XPO7: variants seen among roughly 807,000 people sequenced by gnomAD.
XPO7 encodes exportin-7.
Under a neutral mutation model 144.3 loss-of-function variants are expected in XPO7, and 21 were observed. The observed-to-expected ratio is 0.15, with a 90% CI of 0.10 to 0.21. The LOEUF is 0.21. Ranked by LOEUF, XPO7 falls within the 10% of genes least tolerant of loss-of-function variation. XPO7 has a pLI of 1.00. For synonymous variants in XPO7, 580 were observed against 499.6 expected, an observed-to-expected ratio of 1.16 and a Z score of -2.15; for missense variants, 808 against 1,325.8, an observed-to-expected ratio of 0.61 and a Z score of 6.06.
At chr8:21,978,510 T>C (rs373475634) in intron 8 of XPO7, among the ~76,000 whole-genome samples, 7 of 152,236 alleles carry the variant, frequency 4.6e-5, no homozygotes, top group Non-Finnish European at 7.3e-5. Flanking sequence ...TCCAAATTAA[T>C]GTAGACCTTT....
At chr8:21,979,893 A>T (rs553628618) in intron 8 of XPO7, among the ~76,000 whole-genome samples, 191 bp from the exon 9 acceptor site, 1 of 152,088 alleles carries the variant, frequency 6.6e-6, no homozygotes, top group South Asian at 2.1e-4. Context: ...ATTTGTACCT[A>T]AGGGAATTTC....
intron 1 of XPO7, among the ~76,000 whole-genome samples, chr8:21,955,362 C>T (rs1251925975): frequency 6.6e-6 from 1 of 152,168 alleles, no homozygotes; most frequent in Non-Finnish European, 1.5e-5. Context: ...AATGATGGTG[C>T]ACCTTTGTAG....
At chr8:21,985,412 C>T (rs988842675) in intron 12 of XPO7, among the ~76,000 whole-genome samples, 174 bp from the exon 13 acceptor site, 2 of 152,296 alleles carry the variant, frequency 1.3e-5, no homozygotes, top group African/African-American at 2.4e-5. Flanking sequence ...GGTTACCTAA[C>T]GAATTTCCCT....
Position 21,999,636 on chromosome 8 carries a change from A to G in XPO7, c.2744A>G (p.Tyr915Cys), listed in dbSNP as rs1473996866. Residue 915 changes from tyrosine to cysteine, a missense_variant, in exon 24 of 28, where the codon TAT (tyrosine) becomes TGT (cysteine). This residue lies in a region of XPO7 where 140 missense variants were observed against 237.9 expected (regional missense o/e 0.59). Transcript: ENST00000252512. ...AGCCTGGAACCTCACGTCATCATGT[A>G]TATTCTCTCTTCCATTTCTGAAGGA... ...IASLEPHVIMYILSSISEGLT... is the reference protein window; with the variant it reads ...IASLEPHVIMCILSSISEGLT... The G allele has an allele frequency of 4.3e-6, 7 of 1,614,018 alleles. No homozygotes were observed. The highest frequency in any genetic ancestry group is 1.1e-5 in the South Asian group (1 of 91,086).
chr8:21,952,519 C>G (rs1201799055), intron 1 of XPO7, among the ~76,000 whole-genome samples: 1 of 152,080 alleles, frequency 6.6e-6, no homozygotes. Flanking sequence ...GGATGGATGG[C>G]AGGCAATAAT....
At position 21,988,885 on chromosome 8, in the gene XPO7, A is replaced by G. The variant is rs528720865; in HGVS notation, c.1788-118A>G. 1.1e-5 allele frequency: 9 copies of G among 797,100 alleles called. No individual in the cohort carries two copies. In the South Asian group the frequency reaches 1.5e-4, roughly 14 times the overall value. 49.4% of individuals were successfully genotyped at this position (797,100 alleles called of 1,614,324 possible). On this transcript the variant is annotated intron_variant, in intron 15 of 27. Coordinates refer to ENST00000252512, the MANE Select transcript of XPO7 (RefSeq NM_015024.5). ...TTTTTTTGTGGTCGTGATGTCTGTG[A>G]ATTGGTGGTGCAGATGTGTGGTGAC... is the stretch of plus-strand genomic sequence containing the variant.
intron 6 of XPO7, 55 bp from the exon 7 acceptor site, chr8:21,976,301 C>T: frequency 1.3e-6 from 2 of 1,579,400 alleles, no homozygotes; most frequent in South Asian, 2.4e-5. Context: ...AGTCTGGGAG[C>T]AAGCTGGGAA....
At chr8:21,943,443 C>T (rs897373378) in intron 1 of XPO7, among the ~76,000 whole-genome samples, 2 of 152,144 alleles carry the variant, frequency 1.3e-5, no homozygotes, top group African/African-American at 4.8e-5. Context: ...TGTATAGCCC[C>T]TTTTATTCTT....
intron 1 of XPO7, among the ~76,000 whole-genome samples, chr8:21,938,133 C>T (rs551876768): frequency 6.6e-6 from 1 of 152,072 alleles, no homozygotes; most frequent in Non-Finnish European, 1.5e-5. Context: ...TCAGGGTTGT[C>T]TTCTTGTGCA....
chr8:21,944,919 A>T (rs919583838), intron 1 of XPO7, among the ~76,000 whole-genome samples: 1 of 152,186 alleles, frequency 6.6e-6, no homozygotes, highest in African/African-American at 2.4e-5. Flanking sequence ...GAGCACGGGG[A>T]TGGGGGTAAG....
intron 4 of XPO7, 91 bp downstream of exon 4, chr8:21,970,401 C>T (rs1015405693): frequency 6.9e-5 from 79 of 1,143,872 alleles, no homozygotes; most frequent in African/African-American, 1.9e-4. Context: ...CAACTTAACA[C>T]GCTTATCTAC....
intron 1 of XPO7, among the ~76,000 whole-genome samples, chr8:21,921,246 A>T (rs1174120208): frequency 6.6e-6 from 1 of 152,234 alleles, no homozygotes; most frequent in East Asian, 1.9e-4. Context: ...CTTGGATCTT[A>T]CAAGACTCAG....
rs1199311112 is a variant in XPO7, at chr8:21,997,499, A to G, written c.2346-1256A>G. On this transcript the variant is annotated intron_variant, in intron 21 of 27. Transcript: ENST00000252512. ...TGCAAAGATAAGGAGTCTTCTAAAC[A>G]GAAAACATCTGCACGAGTCCTGAGA... 2.0e-5 allele frequency among the ~76,000 whole-genome samples: 3 copies of G among 152,372 alleles called. No individual in the cohort carries two copies. In the East Asian group the frequency reaches 5.8e-4, roughly 29 times the overall value.
chr8:22,001,691 C>T (rs1399857178), intron 24 of XPO7, among the ~76,000 whole-genome samples: 1 of 152,182 alleles, frequency 6.6e-6, no homozygotes, highest in East Asian at 1.9e-4. Context: ...GATCCTTAGG[C>T]CGATACATAA....
At chr8:21,988,888 T>C in intron 15 of XPO7, 115 bp from the exon 16 acceptor site, 2 of 810,622 alleles carry the variant, frequency 2.5e-6, no homozygotes, top group Non-Finnish European at 1.9e-6. Context: ...GTCTGTGAAT[T>C]GGTGGTGCAG....
intron 1 of XPO7, among the ~76,000 whole-genome samples, chr8:21,951,657 G>T: frequency 6.6e-6 from 1 of 152,238 alleles, no homozygotes; most frequent in East Asian, 1.9e-4. Flanking sequence ...GAATATTAAT[G>T]CAGCTTATCA....
At chr8:21,983,347 G>A (rs772865183) in intron 11 of XPO7, among the ~76,000 whole-genome samples, 1 of 152,154 alleles carries the variant, frequency 6.6e-6, no homozygotes, top group Non-Finnish European at 1.5e-5. Flanking sequence ...GAAATGTCAA[G>A]CCCTTTCAAA....
At position 21,981,652 on chromosome 8, in the gene XPO7, T is replaced by C; in HGVS notation, c.958-79T>C. The C allele has an allele frequency of 1.9e-6, 3 of 1,546,656 alleles. No individual in the cohort carries two copies. The South Asian group carries it at 3.5e-5, about 18-fold the overall frequency. On this transcript the variant is annotated intron_variant, in intron 9 of 27. Transcript: ENST00000252512. ...AAAGTAGATTCTACCCCTTCCCCCA[T>C]GCCATCTCAAGTATACATCATTCTT... is the stretch of plus-strand genomic sequence containing the variant.
At chr8:21,919,844 G>C (rs181353050) in intron 1 of XPO7, 56 bp downstream of exon 1, 4,079 of 344,784 alleles carry the variant, frequency 0.012, 155 homozygotes, top group African/African-American at 0.081. Context: ...AGTGGAGTCG[G>C]GGGTGCACAC....
Sources: allele counts gnomAD v4.1 joint callset (sites outside exome capture counted in the v4.1 genomes callset), GRCh38; gene constraint gnomAD v4.1.1; regional missense constraint gnomAD v4.1.1; transcripts MANE v1.5; gene names NCBI Gene and HGNC (gene_info 2026-07-23, HGNC 2026-07-21).